COL4A4: variants seen among roughly 807,000 people sequenced by gnomAD.
The protein encoded by COL4A4 is collagen alpha-4(IV) chain.
Under a neutral mutation model 192.9 loss-of-function variants are expected in COL4A4, and 105 were observed. The observed-to-expected ratio is 0.54, with a 90% CI of 0.46 to 0.64. COL4A4 has a LOEUF of 0.64. Ranked by LOEUF, COL4A4 falls within the 30% of genes least tolerant of loss-of-function variation. The pLI is 0.00. For missense variants in COL4A4, 1,967 were observed against 2,169.3 expected (o/e 0.91, Z 1.85); for synonymous variants, 762 against 769.9 (o/e 0.99, Z 0.17).
intron 3 of COL4A4, among the ~76,000 whole-genome samples, chr2:227,143,247 G>A (rs1040428354): frequency 7.9e-5 from 12 of 152,148 alleles, no homozygotes; most frequent in Non-Finnish European, 1.2e-4. Flanking sequence ...AGGAAATTTA[G>A]GGAGCTCCCT....
chr2:227,036,869 G>A (rs545847991), intron 37 of COL4A4, among the ~76,000 whole-genome samples: 1 of 152,242 alleles, frequency 6.6e-6, no homozygotes, highest in African/African-American at 2.4e-5. Context: ...TCTCTTTTCT[G>A]AGGAAAGCCA....
At chr2:227,046,047 T>A in intron 35 of COL4A4, among the ~76,000 whole-genome samples, 1 of 140,514 alleles carries the variant, frequency 7.1e-6, no homozygotes, top group Middle Eastern at 3.6e-3. Context: ...TATATACATA[T>A]ATACTATCTA....
At chr2:227,039,026 G>A (rs908929195) in intron 37 of COL4A4, among the ~76,000 whole-genome samples, 1 of 152,162 alleles carries the variant, frequency 6.6e-6, no homozygotes, top group African/African-American at 2.4e-5. Flanking sequence ...TCTGTAGGTG[G>A]TATGAACATG....
chr2:227,111,878 T>C (rs1285738431), intron 8 of COL4A4, among the ~76,000 whole-genome samples, 165 bp from the exon 9 acceptor site: 1 of 152,202 alleles, frequency 6.6e-6, no homozygotes, highest in African/African-American at 2.4e-5. Flanking sequence ...GGAGGTGATT[T>C]TCCTTCTCCT....
At chr2:227,094,079 CA>C in intron 20 of COL4A4, 45 bp downstream of exon 20, 1 of 1,560,566 alleles carries the variant, frequency 6.4e-7, no homozygotes, top group Non-Finnish European at 8.8e-7. Flanking sequence ...CTGCAAATAT[CA>C]AAAGCAGCAT....
downstream of COL4A4, chr2:226,999,030 C>T (rs997610139): frequency 6.6e-6 from 1 of 152,282 alleles, no homozygotes. Flanking sequence ...CACATCTACA[C>T]AGTTTCCACA....
In COL4A4 at chr2:227,125,770, C is replaced by T. The variant is rs148062576; in HGVS notation, c.193-4622G>A. Reference sequence around the variant, plus strand: ...GTGGAAAGATTCCCCTGATCTCCTGCCCCTGTTCTGGAGAAGGAGATGCCT... The same window carrying T: ...GTGGAAAGATTCCCCTGATCTCCTGTCCCTGTTCTGGAGAAGGAGATGCCT... On this transcript the variant is annotated intron_variant, in intron 4 of 47. Transcript: ENST00000396625. Among the ~76,000 whole-genome samples, 6 of 152,236 alleles carry T rather than the reference C, an allele frequency of 3.9e-5. No homozygotes were observed. In the East Asian group the frequency reaches 1.2e-3, roughly 29 times the overall value.
At chr2:227,090,006 G>A in intron 20 of COL4A4, 49 bp from the exon 21 acceptor site, 1 of 1,465,828 alleles carries the variant, frequency 6.8e-7, no homozygotes. Flanking sequence ...TAATTTTTCT[G>A]ACTGTCTTCT....
intron 1 of COL4A4, among the ~76,000 whole-genome samples, chr2:227,156,204 G>A (rs754879208): frequency 3.3e-5 from 5 of 152,032 alleles, no homozygotes; most frequent in Non-Finnish European, 5.9e-5. Flanking sequence ...TTTGAGACCA[G>A]CCTGGGCAAC....
chr2:227,117,825 T>A (rs1421637587), intron 7 of COL4A4, among the ~76,000 whole-genome samples: 2 of 152,122 alleles, frequency 1.3e-5, no homozygotes, highest in African/African-American at 4.8e-5. Flanking sequence ...GCCGTAAGTT[T>A]TCCCCCAAGT....
At chr2:227,034,553 T>A (rs868065211) in intron 37 of COL4A4, among the ~76,000 whole-genome samples, 8 of 148,106 alleles carry the variant, frequency 5.4e-5, no homozygotes, top group Admixed American at 6.7e-5. Flanking sequence ...TTTTTTTTTT[T>A]AATTAATTAA....
At chr2:227,054,285 A>G (rs538107252) in intron 31 of COL4A4, among the ~76,000 whole-genome samples, 18 of 152,304 alleles carry the variant, frequency 1.2e-4, no homozygotes, top group African/African-American at 4.1e-4. Flanking sequence ...GAGGTTGGAG[A>G]ACAAGAGCCC....
chr2:227,148,094 C>T (rs1224829826), intron 1 of COL4A4, among the ~76,000 whole-genome samples: 5 of 152,114 alleles, frequency 3.3e-5, no homozygotes, highest in Admixed American at 3.3e-4. Context: ...AATATTTTGG[C>T]AGTTCCTCAA....
rs754510013 is a variant in COL4A4, at chr2:227,082,139, C to T, written c.1672G>A (p.Asp558Asn). Reference sequence around the variant, plus strand: ...CCTTTAACTCTTGATACAACCATGTCACCCTTCGCCCCTTTGTTGCCAGGT... The same window carrying T: ...CCTTTAACTCTTGATACAACCATGTTACCCTTCGCCCCTTTGTTGCCAGGT... ...GPPGNKGAKG[D>N]MVVSRVKGHK... is the part of the protein sequence containing the mutation. The change falls in exon 23 of 48, where the codon GAC becomes AAC. Residue 558 changes from aspartate to asparagine, a missense_variant. Coordinates refer to ENST00000396625, the MANE Select transcript of COL4A4 (RefSeq NM_000092.5). 4 of 1,614,100 alleles carry T rather than the reference C, an allele frequency of 2.5e-6. No individual in the cohort carries two copies. The highest frequency in any genetic ancestry group is 2.2e-5 in the East Asian group (1 of 44,902).
In COL4A4 at chr2:227,088,634, A is replaced by T; in HGVS notation, c.1623+19T>A. ...CATGTCTCTTTTAACTGGAAAGATG[A>T]CTGGTAAGAGGTACTCACTGGTAGC... On this transcript the variant is annotated intron_variant, in intron 22 of 47. Transcript: ENST00000396625. The T allele has an allele frequency of 6.2e-7, 1 of 1,613,854 alleles. No homozygotes were observed. The highest frequency in any genetic ancestry group is 8.5e-7 in the Non-Finnish European group (1 of 1,179,768).
chr2:227,031,316 G>A (rs1332547686), intron 40 of COL4A4, among the ~76,000 whole-genome samples: 1 of 152,134 alleles, frequency 6.6e-6, no homozygotes, highest in East Asian at 1.9e-4. Context: ...CTTTATGGAA[G>A]AGTTCTAAGA....
chr2:227,138,371 C>T (rs549686398), intron 4 of COL4A4, among the ~76,000 whole-genome samples: 8 of 151,440 alleles, frequency 5.3e-5, no homozygotes, highest in East Asian at 1.9e-4. Flanking sequence ...CAGTGGCTCA[C>T]GCCTGTAATC....
intron 43 of COL4A4, among the ~76,000 whole-genome samples, chr2:227,023,090 T>G (rs533072657): frequency 6.6e-6 from 1 of 152,120 alleles, no homozygotes; most frequent in Non-Finnish European, 1.5e-5. Flanking sequence ...GAGGGGGCCA[T>G]GTACATCTCT....
At chr2:226,987,987 T>C in the COL4A4 span, among the ~76,000 whole-genome samples, 2 of 152,094 alleles carry the variant, frequency 1.3e-5, no homozygotes, top group Admixed American at 1.3e-4. Context: ...CTTCTGTGCA[T>C]AGGGCCAGGG....
Sources: gnomAD v4.1 joint callset for allele counts (sites outside exome capture counted in the v4.1 genomes callset) on GRCh38, gnomAD v4.1.1 for gene constraint, MANE v1.5 for transcripts, NCBI Gene and HGNC (gene_info 2026-07-23, HGNC 2026-07-21) for gene names.